The following KATNA1 variants were observed in gnomAD, a reference collection of about 807,000 sequenced individuals.
The protein encoded by KATNA1 is katanin p60 ATPase-containing subunit A1.
In KATNA1, 42 loss-of-function variants were observed where a neutral mutation model predicts 62.6. That is an observed-to-expected ratio of 0.67 (90% CI 0.52 to 0.87). The LOEUF (loss-of-function observed/expected upper bound fraction) is 0.87. KATNA1 is among the 40% of genes least tolerant of loss of function. The probability of loss-of-function intolerance (pLI) is 0.00; values close to 1 mark genes in which losing one functional copy is unlikely to be tolerated. For missense variants in KATNA1, 498 were observed against 612.5 expected, an observed-to-expected ratio of 0.81 and a Z score of 1.97; for synonymous variants, 186 against 201.9, an observed-to-expected ratio of 0.92 and a Z score of 0.67.
At chr6:149,642,052 A>C (rs1043972815) in intron 1 of KATNA1, among the ~76,000 whole-genome samples, 6 of 152,056 alleles carry the variant, frequency 3.9e-5, no homozygotes, top group African/African-American at 1.4e-4. Context: ...ACAGGCGCTC[A>C]CCACCATGCC....
At chr6:149,636,727 G>A (rs919137342) in intron 2 of KATNA1, among the ~76,000 whole-genome samples, 1 of 150,818 alleles carries the variant, frequency 6.6e-6, no homozygotes, top group African/African-American at 2.4e-5. Context: ...TGCAACCTCT[G>A]CCTTCTGATA....
At chr6:149,616,853 G>GCA (rs1779186219) in intron 4 of KATNA1, among the ~76,000 whole-genome samples, 1 of 152,120 alleles carries the variant, frequency 6.6e-6, no homozygotes, top group Admixed American at 6.5e-5. Context: ...AAATATCTGT[G>GCA]CACTCATATT....
intron 3 of KATNA1, among the ~76,000 whole-genome samples, chr6:149,623,548 C>A (rs954658075): frequency 6.6e-6 from 1 of 152,016 alleles, no homozygotes; most frequent in Non-Finnish European, 1.5e-5. Context: ...ACCAGCCTGG[C>A]CAACATGTTG....
intron 3 of KATNA1, among the ~76,000 whole-genome samples, chr6:149,623,505 G>C (rs1779491103): frequency 6.6e-6 from 1 of 152,154 alleles, no homozygotes; most frequent in Non-Finnish European, 1.5e-5. Flanking sequence ...GGGAGGCCAA[G>C]GTGGGTGGAT....
chr6:149,628,794 T>G (rs1206236361), intron 3 of KATNA1, among the ~76,000 whole-genome samples: 2 of 143,762 alleles, frequency 1.4e-5, no homozygotes, highest in African/African-American at 2.6e-5. Flanking sequence ...CACTCCAGCC[T>G]GGGCAACAGA....
At chr6:149,642,827 G>T (rs1051460308) in intron 1 of KATNA1, among the ~76,000 whole-genome samples, 7 of 152,082 alleles carry the variant, frequency 4.6e-5, no homozygotes, top group African/African-American at 1.7e-4. Flanking sequence ...ATATGTGAGT[G>T]GAGAAATTGC....
At position 149,603,394 on chromosome 6, in the gene KATNA1, T is replaced by C. The variant is rs749753760; in HGVS notation, c.624-21A>G. On this transcript the variant is annotated intron_variant, in intron 5 of 10. Transcript: ENST00000367411. The stretch of plus-strand genomic sequence containing the variant: ...CATCCCTGAAAGAGAAGACATTTTA[T>C]TAACAACCCTTTAGATGATACATGT... 3 of 1,174,234 alleles carry C rather than the reference T, an allele frequency of 2.6e-6. No individual in the cohort carries two copies. In the South Asian group the frequency reaches 3.8e-5, roughly 15 times the overall value. The allele number at this position is 1,174,234 out of a possible 1,614,324, so 72.7% of individuals were successfully genotyped here.
intron 5 of KATNA1, among the ~76,000 whole-genome samples, chr6:149,604,085 T>A (rs1344077629): frequency 6.6e-6 from 1 of 152,192 alleles, no homozygotes; most frequent in Non-Finnish European, 1.5e-5. Flanking sequence ...TGATTACATG[T>A]AATATTAATC....
At chr6:149,632,392 A>G (rs922150727) in intron 3 of KATNA1, among the ~76,000 whole-genome samples, 1 of 152,020 alleles carries the variant, frequency 6.6e-6, no homozygotes, top group African/African-American at 2.4e-5. Flanking sequence ...AAAAAGAAAA[A>G]AAAGAAAAAT....
At chr6:149,614,536 G>C (rs551767689) in intron 4 of KATNA1, among the ~76,000 whole-genome samples, 1 of 152,198 alleles carries the variant, frequency 6.6e-6, no homozygotes, top group East Asian at 1.9e-4. Flanking sequence ...ATTTTGAGAC[G>C]CTGAAATGCA....
At chr6:149,636,808 T>C (rs1384483040) in intron 2 of KATNA1, among the ~76,000 whole-genome samples, 2 of 151,540 alleles carry the variant, frequency 1.3e-5, no homozygotes, top group East Asian at 3.9e-4. Flanking sequence ...ACCCAGCTAA[T>C]TTTTTTGTAT....
At chr6:149,618,220 G>A (rs1241459823) in intron 4 of KATNA1, among the ~76,000 whole-genome samples, 1 of 150,852 alleles carries the variant, frequency 6.6e-6, no homozygotes, top group Non-Finnish European at 1.5e-5. Flanking sequence ...GCTCACTCCT[G>A]TAATCCCAGC....
chr6:149,606,182 G>A (rs574278697), intron 4 of KATNA1, among the ~76,000 whole-genome samples: 1 of 152,312 alleles, frequency 6.6e-6, no homozygotes, highest in Non-Finnish European at 1.5e-5. Flanking sequence ...CAGGGTTTGA[G>A]AAACTGTGTA....
intron 2 of KATNA1, among the ~76,000 whole-genome samples, chr6:149,634,554 G>A (rs890282597): frequency 6.6e-6 from 1 of 152,132 alleles, no homozygotes; most frequent in Non-Finnish European, 1.5e-5. Flanking sequence ...TGCCCAGGCT[G>A]TACTACAGTG....
At chr6:149,634,941 CTT>C (rs11438803) in intron 2 of KATNA1, among the ~76,000 whole-genome samples, 49 of 144,276 alleles carry the variant, frequency 3.4e-4, no homozygotes, top group Non-Finnish European at 5.0e-4. Context: ...TAAAAGCAGT[CTT>C]TTTTTTTTTT....
intron 1 of KATNA1, among the ~76,000 whole-genome samples, chr6:149,645,836 A>C (rs1780464808): frequency 6.6e-6 from 1 of 152,204 alleles, no homozygotes; most frequent in African/African-American, 2.4e-5. Flanking sequence ...TTTTCTAGCA[A>C]TATAGTATGT....
intron 1 of KATNA1, among the ~76,000 whole-genome samples, chr6:149,647,862 A>C (rs1214078578): frequency 1.3e-5 from 2 of 152,192 alleles, no homozygotes; most frequent in African/African-American, 2.4e-5. Context: ...ATTAAATAAG[A>C]GCTTGAGATT....
intron 5 of KATNA1, among the ~76,000 whole-genome samples, chr6:149,603,696 A>G (rs1778634155): frequency 6.6e-6 from 1 of 152,174 alleles, no homozygotes; most frequent in Non-Finnish European, 1.5e-5. Flanking sequence ...CATAATCTCC[A>G]TGATTTAGAA....
chr6:149,631,564 CAAAA>C (rs11436870), intron 3 of KATNA1: 2 of 140,434 alleles, frequency 1.4e-5, no homozygotes, highest in Non-Finnish European at 3.1e-5. Flanking sequence ...ACAAAAAAAA[CAAAA>C]AAAAAACAAA....
Sources: gnomAD v4.1 joint callset for allele counts (sites outside exome capture counted in the v4.1 genomes callset) on GRCh38, gnomAD v4.1.1 for gene constraint, MANE v1.5 for transcripts, NCBI Gene and HGNC (gene_info 2026-07-23, HGNC 2026-07-21) for gene names.